The following DAAM1 variants were observed in gnomAD, a reference collection of about 807,000 sequenced individuals.
The protein encoded by DAAM1 is dishevelled associated activator of morphogenesis 1, also known as disheveled-associated activator of morphogenesis 1.
Under a neutral mutation model 130.0 loss-of-function variants are expected in DAAM1, and 52 were observed. The observed-to-expected ratio is 0.40, with a 90% CI of 0.32 to 0.50. The LOEUF (loss-of-function observed/expected upper bound fraction) is 0.50. Among genes scored for constraint, DAAM1 ranks in the 20% least tolerant of loss-of-function variants. DAAM1 has a pLI of 0.61. For synonymous variants in DAAM1, 452 were observed against 444.5 expected (o/e 1.02, Z -0.21); for missense variants, 1,134 against 1,303.8 (o/e 0.87, Z 2.01).
intron 1 of DAAM1, among the ~76,000 whole-genome samples, chr14:59,238,029 G>GCTCA (rs370329395): frequency 1.3e-5 from 2 of 152,258 alleles, no homozygotes; most frequent in African/African-American, 4.8e-5. Context: ...TACTGTAATG[G>GCTCA]CTCAGGTCAT....
intron 17 of DAAM1, 46 bp from the exon 18 acceptor site, chr14:59,352,480 A>G: frequency 6.8e-7 from 1 of 1,463,354 alleles, no homozygotes; most frequent in Non-Finnish European, 9.4e-7. Flanking sequence ...TACTACATGG[A>G]TTTAAGTGAT....
At chr14:59,289,784 A>ATATATATATATAT in intron 2 of DAAM1, among the ~76,000 whole-genome samples, 27 of 128,630 alleles carry the variant, frequency 2.1e-4, no homozygotes, top group South Asian at 7.3e-4. Flanking sequence ...ATATATATAT[A>ATATATATATATAT]ATGGAATGCT....
At chr14:59,344,139 G>A (rs1367931787) in intron 16 of DAAM1, among the ~76,000 whole-genome samples, 1 of 152,168 alleles carries the variant, frequency 6.6e-6, no homozygotes, top group Non-Finnish European at 1.5e-5. Context: ...GAAGTGTTCT[G>A]CCGTTCTTTT....
chr14:59,218,912 G>T lies in DAAM1; in HGVS notation c.-38+30144G>T, dbSNP rs138561185. ...CACACATGACTGCCAAGCTATTAATGTTTTTATATGACTGATATGCAAGGG... is the reference window on the plus strand; with the variant it reads ...CACACATGACTGCCAAGCTATTAATTTTTTTATATGACTGATATGCAAGGG... On this transcript the variant is annotated intron_variant, in intron 1 of 24. Coordinates refer to ENST00000360909, the MANE Select transcript of DAAM1 (RefSeq NM_001270520.2). Among the ~76,000 whole-genome samples, 279 of 152,290 alleles carry T rather than the reference G, an allele frequency of 1.8e-3. 1 individual carries two copies. The highest frequency in any genetic ancestry group is 6.3e-3 in the African/African-American group (260 of 41,552).
intron 1 of DAAM1, among the ~76,000 whole-genome samples, chr14:59,198,002 G>A (rs1887959913): frequency 6.6e-6 from 1 of 152,202 alleles, no homozygotes. Context: ...GTTGAGGGAA[G>A]TAGGTAGAGG....
intron 1 of DAAM1, among the ~76,000 whole-genome samples, chr14:59,202,403 A>G (rs868212612): frequency 6.6e-6 from 1 of 152,258 alleles, no homozygotes; most frequent in Non-Finnish European, 1.5e-5. Context: ...TCTAGCAAGC[A>G]TAGCAGAAGC....
chr14:59,227,853 G>A (rs895955593), intron 1 of DAAM1, among the ~76,000 whole-genome samples: 2 of 152,168 alleles, frequency 1.3e-5, no homozygotes, highest in Non-Finnish European at 2.9e-5. Flanking sequence ...ATGAATGAAT[G>A]GTACTCCTTG....
chr14:59,369,126 TTGAGTGTGGCTC>T lies in DAAM1; in HGVS notation c.*268_*279del. 1 of 334,148 alleles carries T rather than the reference TTGAGTGTGGCTC, an allele frequency of 3.0e-6. No individual in the cohort carries two copies. The highest frequency in any genetic ancestry group is 5.5e-6 in the Non-Finnish European group (1 of 181,932). 20.7% of individuals were successfully genotyped at this position (334,148 alleles called of 1,614,324 possible). On this transcript the variant is annotated 3_prime_UTR_variant, in exon 25 of 25. Coordinates refer to ENST00000360909, the MANE Select transcript of DAAM1 (RefSeq NM_001270520.2). ...AAAACCTTTCGTGTATGCATTCACATTGAGTGTGGCTCATTTTCTTTCCCCGAACGCCATGAC... is the reference window on the plus strand; with the variant it reads ...AAAACCTTTCGTGTATGCATTCACATATTTTCTTTCCCCGAACGCCATGAC...
intron 1 of DAAM1, among the ~76,000 whole-genome samples, chr14:59,218,582 A>G (rs1386506066): frequency 1.3e-5 from 2 of 152,258 alleles, no homozygotes; most frequent in Non-Finnish European, 2.9e-5. Flanking sequence ...ATTCCTTGAC[A>G]TTAGAACTGA....
At chr14:59,225,374 AGCAGCCTTAATTG>A (rs1888910284) in intron 1 of DAAM1, among the ~76,000 whole-genome samples, 1 of 152,196 alleles carries the variant, frequency 6.6e-6, no homozygotes, top group African/African-American at 2.4e-5. Context: ...AATTTGTTGT[AGCAGCCTTAATTG>A]CCTAAGACTA....
Position 59,360,811 on chromosome 14 carries a change from G to T in DAAM1, c.2643G>T (p.Glu881Asp). ...IPQAAKVNMT[E>D]LDKEISTLRS... ...TTGCTATTTACAACAGCATGACTGAGCTGGACAAAGAAATAAGTACCTTGA... is the reference window on the plus strand; with the variant it reads ...TTGCTATTTACAACAGCATGACTGATCTGGACAAAGAAATAAGTACCTTGA... Residue 881 changes from glutamate to aspartate, a missense_variant, in exon 22 of 25, where the codon GAG becomes GAT. Coordinates refer to ENST00000360909, the MANE Select transcript of DAAM1 (RefSeq NM_001270520.2). 1 of 1,613,850 alleles carries T rather than the reference G, an allele frequency of 6.2e-7. No homozygotes were observed.
In DAAM1 at chr14:59,250,195, T is replaced by C. The variant is rs1881573462; in HGVS notation, c.-37-13246T>C. 2.6e-5 allele frequency among the ~76,000 whole-genome samples: 4 copies of C among 152,204 alleles called. No homozygotes were observed. In the South Asian group the frequency reaches 6.2e-4, roughly 24 times the overall value. ...CGGCTTTAGTGAACTACAGAGTCTC[T>C]TAAAATTACATCTGGGAACATACAG... On this transcript the variant is annotated intron_variant, in intron 1 of 24. Coordinates refer to ENST00000360909, the MANE Select transcript of DAAM1 (RefSeq NM_001270520.2).
intron 23 of DAAM1, among the ~76,000 whole-genome samples, chr14:59,364,675 C>T (rs1594853847): frequency 6.6e-6 from 1 of 152,192 alleles, no homozygotes; most frequent in East Asian, 1.9e-4. Context: ...TTATTTTTCT[C>T]TGGTCACCTG....
intron 16 of DAAM1, among the ~76,000 whole-genome samples, chr14:59,342,701 G>T (rs979844885): frequency 6.6e-6 from 1 of 152,188 alleles, no homozygotes; most frequent in African/African-American, 2.4e-5. Context: ...GAAGAAAAAT[G>T]ACACCTGTGA....
chr14:59,323,614 T>A (rs1413208850), intron 6 of DAAM1, among the ~76,000 whole-genome samples: 4 of 152,222 alleles, frequency 2.6e-5, no homozygotes, highest in Non-Finnish European at 5.9e-5. Context: ...GCAGAGATAA[T>A]GAAGCAAAGG....
intron 1 of DAAM1, among the ~76,000 whole-genome samples, chr14:59,258,793 A>G (rs1254438458): frequency 6.6e-6 from 1 of 152,186 alleles, no homozygotes; most frequent in African/African-American, 2.4e-5. Context: ...AGGACCTTGT[A>G]TTTGGGGATC....
chr14:59,334,575 A>G (rs1885553583), intron 15 of DAAM1, among the ~76,000 whole-genome samples: 1 of 152,176 alleles, frequency 6.6e-6, no homozygotes, highest in Non-Finnish European at 1.5e-5. Flanking sequence ...ACCTGTATGC[A>G]TGCAACAGGA....
chr14:59,220,056 C>T (rs1165763281), intron 1 of DAAM1, among the ~76,000 whole-genome samples: 1 of 152,132 alleles, frequency 6.6e-6, no homozygotes, highest in African/African-American at 2.4e-5. Context: ...TTGCCTGTCA[C>T]TGAACTACAG....
intron 22 of DAAM1, among the ~76,000 whole-genome samples, chr14:59,361,692 A>T (rs761335605): frequency 6.6e-6 from 1 of 152,224 alleles, no homozygotes; most frequent in African/African-American, 2.4e-5. Flanking sequence ...TACTCTGCAG[A>T]TGCAGCTGCC....
Sources: gnomAD v4.1 joint callset for allele counts (sites outside exome capture counted in the v4.1 genomes callset) on GRCh38, gnomAD v4.1.1 for gene constraint, MANE v1.5 for transcripts, NCBI Gene and HGNC (gene_info 2026-07-23, HGNC 2026-07-21) for gene names.